Variants in SYN3 observed in about 807,000 individuals in gnomAD.
SYN3 encodes synapsin III.
A neutral mutation model predicts 65.8 loss-of-function variants in SYN3; 35 were observed. The observed-to-expected ratio is 0.53, with a 90% CI of 0.41 to 0.70. The LOEUF (loss-of-function observed/expected upper bound fraction) is 0.70, where lower values mean the gene tolerates loss of function less well. Ranked by LOEUF, SYN3 falls within the 30% of genes least tolerant of loss-of-function variation. The pLI, the probability that SYN3 is intolerant of heterozygous loss-of-function variation, is 0.00. For synonymous variants in SYN3, 270 were observed against 292.9 expected (o/e 0.92, Z 0.80); for missense variants, 680 against 749.0 (o/e 0.91, Z 1.08).
At chr22:32,948,029 T>C (rs1214610638) in intron 3 of SYN3, among the ~76,000 whole-genome samples, 1 of 152,214 alleles carries the variant, frequency 6.6e-6, no homozygotes, top group Non-Finnish European at 1.5e-5. Flanking sequence ...TGCTTAGGGC[T>C]GTATGTTTTC....
intron 6 of SYN3, among the ~76,000 whole-genome samples, chr22:32,701,001 C>T (rs1345755551): frequency 6.6e-6 from 1 of 152,212 alleles, no homozygotes; most frequent in Non-Finnish European, 1.5e-5. Flanking sequence ...TTCAATCAAT[C>T]CCTAAGTCCT....
chr22:32,777,007 A>C (rs1261856369), intron 6 of SYN3, among the ~76,000 whole-genome samples: 1 of 152,024 alleles, frequency 6.6e-6, no homozygotes, highest in East Asian at 1.9e-4. Flanking sequence ...TGATCACTAG[A>C]TGTCACGTGA....
rs75192291 is a variant in SYN3, at chr22:32,562,765, T to C, written c.775-21052A>G. Among the ~76,000 whole-genome samples the C allele has an allele frequency of 1.6e-4, 24 of 152,390 alleles. No homozygotes were observed. The East Asian group carries it at 4.0e-3, about 26-fold the overall frequency. On this transcript the variant is annotated intron_variant, in intron 7 of 13. Transcript: ENST00000358763. The stretch of plus-strand genomic sequence containing the variant: ...AGATGCTTGGCCTAAGCCCTGCTTA[T>C]TATTTCAATCTTATATGGACATTTC...
intron 6 of SYN3, among the ~76,000 whole-genome samples, chr22:32,735,138 C>T (rs899822728): frequency 2.0e-5 from 3 of 152,124 alleles, no homozygotes; most frequent in Non-Finnish European, 2.9e-5. Flanking sequence ...GTTTCTGGTC[C>T]CTGGCTCTGT....
intron 4 of SYN3, among the ~76,000 whole-genome samples, chr22:32,914,410 G>A (rs2050135618): frequency 6.6e-6 from 1 of 151,744 alleles, no homozygotes; most frequent in Non-Finnish European, 1.5e-5. Flanking sequence ...CTGTAATATG[G>A]GGATAGTAAC....
intron 6 of SYN3, among the ~76,000 whole-genome samples, chr22:32,843,456 C>T (rs970726854): frequency 2.0e-5 from 3 of 152,196 alleles, no homozygotes; most frequent in African/African-American, 2.4e-5. Context: ...GCTTGCTTGG[C>T]GGGCTCCAGG....
intron 6 of SYN3, among the ~76,000 whole-genome samples, chr22:32,597,481 G>T (rs1008360201): frequency 4.6e-5 from 7 of 152,056 alleles, no homozygotes; most frequent in Non-Finnish European, 1.0e-4. Flanking sequence ...CTCCTGAAGT[G>T]CTGGGGTTAC....
intron 6 of SYN3, among the ~76,000 whole-genome samples, chr22:32,739,323 A>G (rs1434526333): frequency 2.6e-5 from 4 of 151,054 alleles, no homozygotes; most frequent in Non-Finnish European, 4.4e-5. Context: ...GCCTTCCGCC[A>G]TGATTGTGAG....
chr22:32,829,436 G>T (rs763921452), intron 6 of SYN3, among the ~76,000 whole-genome samples: 3 of 152,198 alleles, frequency 2.0e-5, no homozygotes, highest in Non-Finnish European at 4.4e-5. Context: ...TGGGGTCCCC[G>T]GGCCTTCGGC....
At chr22:32,735,312 T>C (rs747653403) in intron 6 of SYN3, among the ~76,000 whole-genome samples, 3 of 152,202 alleles carry the variant, frequency 2.0e-5, no homozygotes, top group Non-Finnish European at 4.4e-5. Context: ...TGGTGGCACC[T>C]ACATGACAGG....
At chr22:32,870,889 T>A (rs2048831458) in intron 4 of SYN3, among the ~76,000 whole-genome samples, 1 of 152,232 alleles carries the variant, frequency 6.6e-6, no homozygotes, top group Non-Finnish European at 1.5e-5. Context: ...TGAGGTGAGT[T>A]CTGTGTATTA....
At chr22:32,766,732 T>G (rs8136169) in intron 6 of SYN3, among the ~76,000 whole-genome samples, 21,863 of 152,182 alleles carry the variant, frequency 0.14, 1,597 homozygotes, top group Middle Eastern at 0.2. Context: ...TTCCCAGATA[T>G]GCTCCAATTC....
At chr22:32,522,265 A>G (rs950615225) in intron 12 of SYN3, among the ~76,000 whole-genome samples, 5 of 152,144 alleles carry the variant, frequency 3.3e-5, no homozygotes, top group Admixed American at 3.3e-4. Context: ...TTCACTGGGC[A>G]TTTTCTTTAA....
chr22:32,658,144 C>T (rs1160718498), intron 6 of SYN3, among the ~76,000 whole-genome samples: 5 of 152,164 alleles, frequency 3.3e-5, no homozygotes, highest in African/African-American at 4.8e-5. Flanking sequence ...TCCATTCTTA[C>T]GGTGAACAGG....
chr22:32,538,731 A>T (rs1007065234), intron 8 of SYN3, among the ~76,000 whole-genome samples: 1 of 151,724 alleles, frequency 6.6e-6, no homozygotes, highest in Admixed American at 6.6e-5. Context: ...CTCATCCTTC[A>T]GGTTTCATCT....
At chr22:32,851,537 G>A (rs1469554045) in intron 6 of SYN3, among the ~76,000 whole-genome samples, 1 of 152,156 alleles carries the variant, frequency 6.6e-6, no homozygotes, top group Non-Finnish European at 1.5e-5. Flanking sequence ...AGACTGGTGG[G>A]CTTAGGCTTT....
At chr22:32,613,422 A>C (rs5754174) in intron 6 of SYN3, among the ~76,000 whole-genome samples, 48,619 of 151,798 alleles carry the variant, frequency 0.32, 7,905 homozygotes, top group South Asian at 0.38. Context: ...AATGACCTTC[A>C]TTTTTTCAAG....
chr22:32,945,489 T>A (rs936800686), intron 3 of SYN3, among the ~76,000 whole-genome samples: 3 of 152,214 alleles, frequency 2.0e-5, no homozygotes, highest in Admixed American at 1.3e-4. Context: ...GCTAGCCATA[T>A]GTAGAAAGCT....
intron 6 of SYN3, among the ~76,000 whole-genome samples, chr22:32,660,112 T>C (rs978813565): frequency 5.9e-5 from 9 of 152,168 alleles, no homozygotes; most frequent in Non-Finnish European, 8.8e-5. Flanking sequence ...CATCCATGCA[T>C]TGAGCACCCA....
Sources: gnomAD v4.1 joint callset for allele counts (sites outside exome capture counted in the v4.1 genomes callset) on GRCh38, gnomAD v4.1.1 for gene constraint, MANE v1.5 for transcripts, NCBI Gene and HGNC (gene_info 2026-07-23, HGNC 2026-07-21) for gene names.